The following PGM3 variants were observed in gnomAD, a reference collection of about 807,000 sequenced individuals.
The protein encoded by PGM3 is phosphoglucomutase 3, also known as phosphoacetylglucosamine mutase.
In PGM3, 40 loss-of-function variants were observed where a neutral mutation model predicts 66.2. That is an observed-to-expected ratio of 0.60 (90% CI 0.47 to 0.79). PGM3 has a LOEUF of 0.79. Ranked by LOEUF, PGM3 falls within the 30% of genes least tolerant of loss-of-function variation. The pLI is 0.00. For synonymous variants in PGM3, 191 were observed against 224.2 expected, an observed-to-expected ratio of 0.85 and a Z score of 1.32; for missense variants, 537 against 643.4, an observed-to-expected ratio of 0.83 and a Z score of 1.79.
downstream of PGM3, among the ~76,000 whole-genome samples, chr6:83,162,192 C>G (rs1265476656): frequency 6.6e-6 from 1 of 152,084 alleles, no homozygotes; most frequent in Non-Finnish European, 1.5e-5. Context: ...GGAGGGGAGA[C>G]TGCCTTTCTT....
Position 83,177,716 on chromosome 6 carries a change from G to T in PGM3, c.1029+957C>A, listed in dbSNP as rs888323824. On this transcript the variant is annotated intron_variant, in intron 8 of 12. Coordinates refer to ENST00000513973, the MANE Select transcript of PGM3 (RefSeq NM_015599.3). ...TTCCAATAGCCCGATTTTAATAAGA[G>T]TCATGCTAAGTGAGCTTAGCGAGAA... Among the ~76,000 whole-genome samples, 7 of 152,138 alleles carry T rather than the reference G, an allele frequency of 4.6e-5. 1 individual carries two copies. Among genetic ancestry groups the T allele is most frequent in the Non-Finnish European group, 5.9e-5 (4 of 68,030 alleles).
the PGM3 span, chr6:83,154,101 G>A: frequency 6.2e-7 from 1 of 1,612,208 alleles, no homozygotes; most frequent in African/African-American, 1.3e-5. Context: ...GATGAAATCA[G>A]CTACTCCCCT....
rs1271365644 is a variant in PGM3, at chr6:83,172,002, C to T, written c.1300G>A (p.Gly434Ser). ...GCATCCCACTGTTGTACAGTCAAGC[C>T]CTTCAGAGCCAAGATTGCTTCAATC... is the stretch of plus-strand genomic sequence containing the variant. Reference protein sequence around the residue: ...LVIEAILALKGLTVQQWDALY... With the variant: ...LVIEAILALKSLTVQQWDALY... The change falls in exon 11 of 13, where the codon GGC becomes AGC. Residue 434 changes from glycine to serine, a missense_variant. Gly to Ser is a moderately conservative substitution (Grantham distance 56, BLOSUM62 0). Transcript: ENST00000513973. 2 of 1,613,248 alleles carry T rather than the reference C, an allele frequency of 1.2e-6. No homozygotes were observed. Among genetic ancestry groups the T allele is most frequent in the Admixed American group, 3.3e-5 (2 of 60,006 alleles).
At chr6:83,179,426 A>G (rs1295046026) in intron 7 of PGM3, among the ~76,000 whole-genome samples, 1 of 152,228 alleles carries the variant, frequency 6.6e-6, no homozygotes, top group Non-Finnish European at 1.5e-5. Flanking sequence ...CTAAAATAGC[A>G]AAATGAAACA....
chr6:83,160,237 A>G (rs1783915139), downstream of PGM3, among the ~76,000 whole-genome samples: 1 of 152,214 alleles, frequency 6.6e-6, no homozygotes, highest in African/African-American at 2.4e-5. Flanking sequence ...ACATACTCAT[A>G]CTATGGTGGC....
rs1786081285 is a variant in PGM3 at position 83,167,592 on chromosome 6, T to A, written c.*1642A>T. On this transcript the variant is annotated 3_prime_UTR_variant, in exon 13 of 13. Transcript: ENST00000513973. ...ATAAAACTTTTATGTTTGACTCTATTCCTGTTCAAAGCTATTTCTGTTAAC... is the reference window on the plus strand; with the variant it reads ...ATAAAACTTTTATGTTTGACTCTATACCTGTTCAAAGCTATTTCTGTTAAC... The A allele has an allele frequency of 1.9e-5, 22 of 1,149,302 alleles. No homozygotes were observed. Among genetic ancestry groups the A allele is most frequent in the African/African-American group, 3.2e-5 (2 of 62,458 alleles). 71.2% of individuals were successfully genotyped at this position (1,149,302 alleles called of 1,614,324 possible).
In PGM3 at chr6:83,166,624, T is replaced by A. The variant is rs1032720488; in HGVS notation, c.*2610A>T. On this transcript the variant is annotated 3_prime_UTR_variant, in exon 13 of 13. Coordinates refer to ENST00000513973, the MANE Select transcript of PGM3 (RefSeq NM_015599.3). ...TAACCACATTTATTTAAGAATGTACTCCAATATAAAACGGCAAATTTCAAC... is the reference window on the plus strand; with the variant it reads ...TAACCACATTTATTTAAGAATGTACACCAATATAAAACGGCAAATTTCAAC... The A allele has an allele frequency of 2.4e-6, 2 of 828,262 alleles. No individual in the cohort carries two copies. The highest frequency in any genetic ancestry group is 1.7e-5 in the African/African-American group (1 of 57,282). The allele number at this position is 828,262 out of a possible 1,614,324, so 51.3% of individuals were successfully genotyped here.
chr6:83,161,657 C>A (rs1286958859), downstream of PGM3, among the ~76,000 whole-genome samples: 1 of 152,102 alleles, frequency 6.6e-6, no homozygotes, highest in African/African-American at 2.4e-5. Flanking sequence ...TTATAGATAA[C>A]CATCAGAATG....
Position 83,166,252 on chromosome 6 carries a change from T to A in PGM3, c.*2982A>T, listed in dbSNP as rs1785525956. ...CATAAAATGGTCAACATTGAGTTCT[T>A]GGGCAGCTCTCTTATAGTTGTAAGA... On this transcript the variant is annotated 3_prime_UTR_variant, in exon 13 of 13. Transcript: ENST00000513973. 1.9e-6 allele frequency: 1 copy of A among 527,350 alleles called. No homozygotes were observed. The highest frequency in any genetic ancestry group is 1.9e-5 in the African/African-American group (1 of 52,452). The allele number at this position is 527,350 out of a possible 1,614,324, so 32.7% of individuals were successfully genotyped here. A position where few individuals can be genotyped will look rare whatever the true frequency, so the allele number is the denominator to read the frequency against.
At chr6:83,153,395 T>C in the PGM3 span, 1 of 566,706 alleles carries the variant, frequency 1.8e-6, no homozygotes, top group Non-Finnish European at 2.9e-6. Flanking sequence ...GAAGATTTAA[T>C]TTTAGATTTT....
Position 83,190,458 on chromosome 6 carries a change from T to C in PGM3, c.204+351A>G, listed in dbSNP as rs1036240805. On this transcript the variant is annotated intron_variant, in intron 2 of 12. Coordinates refer to ENST00000513973, the MANE Select transcript of PGM3 (RefSeq NM_015599.3). ...TTCAAAATGTTTCTTTTCAAATCTT[T>C]ACCCTTCCCCACCCAACCCCAATAT... The C allele has an allele frequency of 5.8e-5, 13 of 223,224 alleles. No homozygotes were observed. The Admixed American group carries it at 6.8e-4, about 12-fold the overall frequency. 13.8% of individuals were successfully genotyped at this position (223,224 alleles called of 1,614,324 possible).
At chr6:83,149,004 A>G in the PGM3 span, 1 of 494,214 alleles carries the variant, frequency 2.0e-6, no homozygotes, top group Non-Finnish European at 3.4e-6. Flanking sequence ...AACTAGATGT[A>G]TAAGGCCTGT....
chr6:83,178,379 C>G (rs1252980794), intron 8 of PGM3, among the ~76,000 whole-genome samples: 1 of 152,102 alleles, frequency 6.6e-6, no homozygotes, highest in Non-Finnish European at 1.5e-5. Context: ...AAAAGTATTC[C>G]TGAGCTATAA....
downstream of PGM3, among the ~76,000 whole-genome samples, chr6:83,160,705 ATTGTT>A (rs1784016327): frequency 6.6e-6 from 1 of 152,192 alleles, no homozygotes. Flanking sequence ...GCTATGTAAG[ATTGTT>A]TTATCAAAAT....
rs1439298718 is a variant in PGM3, at chr6:83,165,656, A to T, written c.*3578T>A. On this transcript the variant is annotated 3_prime_UTR_variant, in exon 13 of 13. Transcript: ENST00000513973. ...AGTTGTGGAAGCAATTTCCCTGCAAAACGTTGCTGAGATGCCTAAAGAAGT... is the reference window on the plus strand; with the variant it reads ...AGTTGTGGAAGCAATTTCCCTGCAATACGTTGCTGAGATGCCTAAAGAAGT... The T allele has an allele frequency of 1.0e-5, 2 of 200,648 alleles. No individual in the cohort carries two copies. The highest frequency in any genetic ancestry group is 4.7e-5 in the African/African-American group (2 of 42,846). 12.4% of individuals were successfully genotyped at this position (200,648 alleles called of 1,614,324 possible).
At chr6:83,153,478 A>G in the PGM3 span, 4 of 1,438,706 alleles carry the variant, frequency 2.8e-6, no homozygotes, top group African/African-American at 2.9e-5. Context: ...GTTTCACCTC[A>G]TATGTTACTC....
chr6:83,191,047 A>G, intron 1 of PGM3, 33 bp from the exon 2 acceptor site: 1 of 1,590,816 alleles, frequency 6.3e-7, no homozygotes. Context: ...TTCGGGCATA[A>G]CAAGTAATTT....
Position 83,181,764 on chromosome 6 carries a change from A to C in PGM3, c.759T>G (p.Phe253Leu). The change falls in exon 6 of 13, where the codon TTT becomes TTG. Residue 253 changes from phenylalanine (F) to leucine (L), a missense_variant. By Grantham distance (22) the Phe-to-Leu change is conservative (BLOSUM62 0). Transcript: ENST00000513973. Reference protein sequence around the residue: ...GKLNHLCGADFVKSHQKPPQG... With the variant: ...GKLNHLCGADLVKSHQKPPQG... ...GTGGAGGTTTCTGATGACTTTTCAC[A>C]AAGTCAGCTCCACATAAATGATTGA... is the stretch of plus-strand genomic sequence containing the variant. 1 of 1,611,462 alleles carries C rather than the reference A, an allele frequency of 6.2e-7. No homozygotes were observed. The highest frequency in any genetic ancestry group is 8.5e-7 in the Non-Finnish European group (1 of 1,179,304).
chr6:83,148,826 C>G, the PGM3 span: 5 of 1,550,686 alleles, frequency 3.2e-6, no homozygotes, highest in Non-Finnish European at 4.3e-6. Flanking sequence ...CTCTATACAA[C>G]TGAGTCTTCC....
Sources: gnomAD v4.1 joint callset for allele counts (sites outside exome capture counted in the v4.1 genomes callset) on GRCh38, gnomAD v4.1.1 for gene constraint, MANE v1.5 for transcripts, NCBI Gene and HGNC (gene_info 2026-07-23, HGNC 2026-07-21) for gene names.